The following VTI1A variants were observed in gnomAD, a reference collection of about 807,000 sequenced individuals.
The protein encoded by VTI1A is vesicle transport through interaction with t-SNAREs homolog 1A.
Under a neutral mutation model 34.9 loss-of-function variants are expected in VTI1A, and 22 were observed. The observed-to-expected ratio is 0.63, with a 90% confidence interval of 0.45 to 0.90. The LOEUF (loss-of-function observed/expected upper bound fraction) is 0.90, where lower values mean the gene tolerates loss of function less well. Ranked by LOEUF, VTI1A falls within the 40% of genes least tolerant of loss-of-function variation. The pLI is 0.00. For missense variants in VTI1A, 268 were observed against 275.6 expected (o/e 0.97, Z 0.20); for synonymous variants, 87 against 97.3 (o/e 0.89, Z 0.62).
At chr10:112,531,066 CACACA>C (rs1850412406) in intron 4 of VTI1A, among the ~76,000 whole-genome samples, 2 of 115,744 alleles carry the variant, frequency 1.7e-5, no homozygotes, top group African/African-American at 9.1e-5. Context: ...ACACACCTCA[CACACA>C]CACACACACA....
At chr10:112,653,434 C>T (rs535202007) in intron 5 of VTI1A, among the ~76,000 whole-genome samples, 4 of 152,298 alleles carry the variant, frequency 2.6e-5, no homozygotes, top group South Asian at 4.1e-4. Context: ...ATGCCCATGA[C>T]GTCGGCCACC....
At chr10:112,696,114 A>ATATATG (rs1217632103) in intron 7 of VTI1A, among the ~76,000 whole-genome samples, 39 of 151,414 alleles carry the variant, frequency 2.6e-4, no homozygotes, top group African/African-American at 8.3e-4. Context: ...ATATATATAT[A>ATATATG]TGCACGTGAG....
chr10:112,655,041 A>G (rs542617035), intron 5 of VTI1A, among the ~76,000 whole-genome samples: 119 of 152,312 alleles, frequency 7.8e-4, no homozygotes, highest in Non-Finnish European at 2.6e-4. Flanking sequence ...GCCAACCCTT[A>G]CAGTAAAACA....
At chr10:112,643,580 T>G (rs1010537859) in intron 5 of VTI1A, among the ~76,000 whole-genome samples, 1 of 152,034 alleles carries the variant, frequency 6.6e-6, no homozygotes, top group African/African-American at 2.4e-5. Context: ...AAAAAAAAAA[T>G]TATCCTTTTT....
At chr10:112,743,620 C>A (rs1356654941) in intron 7 of VTI1A, among the ~76,000 whole-genome samples, 1 of 152,114 alleles carries the variant, frequency 6.6e-6, no homozygotes, top group Non-Finnish European at 1.5e-5. Flanking sequence ...CATGCCCAAC[C>A]CTCTCTGCCT....
intron 5 of VTI1A, among the ~76,000 whole-genome samples, chr10:112,630,769 G>C (rs750921406): frequency 6.6e-6 from 1 of 152,104 alleles, no homozygotes. Flanking sequence ...TTATTCACTG[G>C]TTTATGGTAT....
intron 4 of VTI1A, among the ~76,000 whole-genome samples, chr10:112,538,021 C>T (rs1339153819): frequency 2.0e-5 from 3 of 151,464 alleles, no homozygotes; most frequent in Non-Finnish European, 4.4e-5. Context: ...ACATACAACA[C>T]GAGTCTCCTT....
chr10:112,709,973 T>A (rs1849350967), intron 7 of VTI1A, among the ~76,000 whole-genome samples: 1 of 145,432 alleles, frequency 6.9e-6, no homozygotes, highest in South Asian at 2.3e-4. Context: ...GTTGCTTTGA[T>A]TGTACTGCTC....
chr10:112,708,371 G>A (rs1407489267), intron 7 of VTI1A, among the ~76,000 whole-genome samples: 1 of 152,210 alleles, frequency 6.6e-6, no homozygotes, highest in Admixed American at 6.5e-5. Context: ...TTACAGGTCT[G>A]TGTAAAGAAG....
chr10:112,799,122 A>G (rs1302064627), intron 7 of VTI1A, among the ~76,000 whole-genome samples: 1 of 152,040 alleles, frequency 6.6e-6, no homozygotes, highest in Non-Finnish European at 1.5e-5. Context: ...TGTAGACCCT[A>G]GTTATTGATG....
At chr10:112,773,162 T>C (rs570105513) in intron 7 of VTI1A, among the ~76,000 whole-genome samples, 44 of 152,368 alleles carry the variant, frequency 2.9e-4, no homozygotes, top group Middle Eastern at 3.4e-3. Context: ...GAGCTGATTC[T>C]TGGTGACTGT....
Position 112,815,450 on chromosome 10 carries a change from C to T in VTI1A, c.*67C>T. ...CTGAGTAATTAAGACAAAATGGTCACATGAATCATTCTGTTGCGCTGACAG... is the reference window on the plus strand; with the variant it reads ...CTGAGTAATTAAGACAAAATGGTCATATGAATCATTCTGTTGCGCTGACAG... On this transcript the variant is annotated 3_prime_UTR_variant, in exon 8 of 8. Coordinates refer to ENST00000393077, the MANE Select transcript of VTI1A (RefSeq NM_145206.4). 7.2e-7 allele frequency: 1 copy of T among 1,393,336 alleles called. No individual in the cohort carries two copies. The highest frequency in any genetic ancestry group is 1.0e-6 in the Non-Finnish European group (1 of 980,602). The allele number at this position is 1,393,336 out of a possible 1,614,324, so 86.3% of individuals were successfully genotyped here.
At chr10:112,462,927 T>G (rs1289651881) in intron 2 of VTI1A, among the ~76,000 whole-genome samples, 3 of 149,764 alleles carry the variant, frequency 2.0e-5, no homozygotes, top group African/African-American at 5.0e-5. Flanking sequence ...TTTATTTATT[T>G]ATTTATTTAT....
intron 5 of VTI1A, among the ~76,000 whole-genome samples, chr10:112,605,691 C>A (rs142014315): frequency 9.3e-4 from 142 of 152,284 alleles, no homozygotes; most frequent in African/African-American, 3.4e-3. Context: ...CACATCCAGC[C>A]GCCTGTGCTT....
At chr10:112,852,997 G>A in the VTI1A span, among the ~76,000 whole-genome samples, 1 of 152,032 alleles carries the variant, frequency 6.6e-6, no homozygotes, top group African/African-American at 2.4e-5. Context: ...TGTTGACCAG[G>A]CTGGTCTCGA....
chr10:112,594,425 C>A (rs1844537280), intron 5 of VTI1A, among the ~76,000 whole-genome samples: 1 of 152,024 alleles, frequency 6.6e-6, no homozygotes, highest in African/African-American at 2.4e-5. Flanking sequence ...ATTGTCTCAG[C>A]CCAAAATCTC....
At chr10:112,715,622 C>T (rs1341654596) in intron 7 of VTI1A, among the ~76,000 whole-genome samples, 2 of 152,138 alleles carry the variant, frequency 1.3e-5, no homozygotes, top group Non-Finnish European at 2.9e-5. Flanking sequence ...TCATCAAGAG[C>T]TGTAATCAGT....
At chr10:112,512,973 A>G (rs2134184355) in intron 3 of VTI1A, among the ~76,000 whole-genome samples, 1 of 152,246 alleles carries the variant, frequency 6.6e-6, no homozygotes, top group East Asian at 1.9e-4. Context: ...AGATAATGTA[A>G]TGCCTCTAGC....
intron 5 of VTI1A, among the ~76,000 whole-genome samples, chr10:112,587,910 A>G (rs938223231): frequency 6.6e-6 from 1 of 151,830 alleles, no homozygotes; most frequent in South Asian, 2.1e-4. Context: ...ATTCAAGAGA[A>G]GTGGTTTTTT....
Sources: gnomAD v4.1 joint callset for allele counts (sites outside exome capture counted in the v4.1 genomes callset) on GRCh38, gnomAD v4.1.1 for gene constraint, MANE v1.5 for transcripts, NCBI Gene and HGNC (gene_info 2026-07-23, HGNC 2026-07-21) for gene names.